The following SMAD3 variants were observed in gnomAD, a reference collection of about 807,000 sequenced individuals.
SMAD3 encodes SMAD family member 3, also known as MAD homolog 3.
SMAD3 carries 12 observed loss-of-function variants against 51.8 expected under a neutral mutation model. The ratio of observed to expected loss-of-function variants is 0.23; its 90% confidence interval spans 0.15 to 0.38. The LOEUF (loss-of-function observed/expected upper bound fraction) is 0.38. SMAD3 is among the 10% of genes least tolerant of loss of function. The pLI, the probability that SMAD3 is intolerant of heterozygous loss-of-function variation, is 1.00. For missense variants in SMAD3, 294 were observed against 565.6 expected (o/e 0.52, Z 4.87); for synonymous variants, 238 against 227.7 (o/e 1.05, Z -0.41).
chr15:67,067,207 T>C (rs946704382), intron 1 of SMAD3, among the ~76,000 whole-genome samples: 1 of 152,140 alleles, frequency 6.6e-6, no homozygotes, highest in African/African-American at 2.4e-5. Context: ...CTCGCATTCC[T>C]GTAGAGCCTT....
intron 1 of SMAD3, among the ~76,000 whole-genome samples, chr15:67,104,504 A>G (rs1960834061): frequency 6.6e-6 from 1 of 152,252 alleles, no homozygotes; most frequent in African/African-American, 2.4e-5. Flanking sequence ...GAGATTGGAA[A>G]GGATTCCAGC....
At chr15:67,143,898 T>G (rs146949820) in intron 1 of SMAD3, among the ~76,000 whole-genome samples, 31 of 151,074 alleles carry the variant, frequency 2.1e-4, no homozygotes, top group Non-Finnish European at 3.7e-4. Flanking sequence ...GCCTCCTGAG[T>G]AGCTGGGAGT....
chr15:67,194,165 A>G lies in SMAD3; in HGVS notation c.*3629A>G, dbSNP rs1263686153. The G allele has an allele frequency of 1.7e-5, 4 of 233,372 alleles. No individual in the cohort carries two copies. The highest frequency in any genetic ancestry group is 3.4e-5 in the Non-Finnish European group (4 of 118,072). The allele number at this position is 233,372 out of a possible 1,614,324, so 14.5% of individuals were successfully genotyped here. A position where few individuals can be genotyped will look rare whatever the true frequency, so the allele number is the denominator to read the frequency against. On this transcript the variant is annotated 3_prime_UTR_variant, in exon 9 of 9. Transcript: ENST00000327367. The stretch of plus-strand genomic sequence containing the variant: ...GTTCCCCCAAAATAAACGTGTCCCC[A>G]TTTTACCAGAACCAAACCTCAACAC...
chr15:67,163,595 A>G (rs187362183), intron 1 of SMAD3, among the ~76,000 whole-genome samples: 141 of 152,230 alleles, frequency 9.3e-4, no homozygotes, highest in African/African-American at 3.3e-3. Flanking sequence ...GGATTTCACA[A>G]AGGGAAAGAT....
rs1401855339 is a variant in SMAD3 at position 67,193,443 on chromosome 15, C to A, written c.*2907C>A. The stretch of plus-strand genomic sequence containing the variant: ...TTCCCTTTCCTCTCTCCCCTCCCCA[C>A]CTCGCTTCTTCCCAATTTAGTAACT... On this transcript the variant is annotated 3_prime_UTR_variant, in exon 9 of 9. Transcript: ENST00000327367. 4.3e-6 allele frequency: 1 copy of A among 233,960 alleles called. No homozygotes were observed. The highest frequency in any genetic ancestry group is 8.5e-6 in the Non-Finnish European group (1 of 118,100). 14.5% of individuals were successfully genotyped at this position (233,960 alleles called of 1,614,324 possible).
At chr15:67,121,065 A>G (rs1318446293) in intron 1 of SMAD3, among the ~76,000 whole-genome samples, 1 of 152,196 alleles carries the variant, frequency 6.6e-6, no homozygotes, top group Middle Eastern at 3.2e-3. Context: ...CAGGCAGGGC[A>G]TGATTGTATC....
At chr15:67,098,135 G>A (rs1301769503) in intron 1 of SMAD3, among the ~76,000 whole-genome samples, 1 of 152,170 alleles carries the variant, frequency 6.6e-6, no homozygotes, top group East Asian at 1.9e-4. Context: ...AAGTACTGGT[G>A]TTAGGAAGAG....
chr15:67,118,057 A>G lies in SMAD3; in HGVS notation c.207-46838A>G, dbSNP rs148337962. ...CAGTGGGCTGAGATCGCACCGTTGCATTCCAGCCTGGGCAACAGAGTGAGA... is the reference window on the plus strand; with the variant it reads ...CAGTGGGCTGAGATCGCACCGTTGCGTTCCAGCCTGGGCAACAGAGTGAGA... On this transcript the variant is annotated intron_variant, in intron 1 of 8. Coordinates refer to ENST00000327367, the MANE Select transcript of SMAD3 (RefSeq NM_005902.4). Among the ~76,000 whole-genome samples, 277 of 152,368 alleles carry G rather than the reference A, an allele frequency of 1.8e-3. 1 individual carries two copies. The highest frequency in any genetic ancestry group is 6.4e-3 in the African/African-American group (268 of 41,590).
At chr15:67,128,242 G>A (rs1171358662) in intron 1 of SMAD3, 1 of 152,214 alleles carries the variant, frequency 6.6e-6, no homozygotes, top group Admixed American at 6.5e-5. Flanking sequence ...TCTAAGATGT[G>A]TAAGATTTAG....
intron 1 of SMAD3, 106 bp downstream of exon 1, chr15:67,066,466 G>GGAGT: frequency 1.1e-5 from 10 of 927,240 alleles, no homozygotes; most frequent in Middle Eastern, 3.1e-4. Flanking sequence ...AGAGAGGGAG[G>GGAGT]GAGTGAGACT....
At chr15:67,183,031 A>ATATATTTT (rs1156620400) in intron 6 of SMAD3, among the ~76,000 whole-genome samples, 2 of 29,702 alleles carry the variant, frequency 6.7e-5, no homozygotes, top group African/African-American at 3.3e-4. Flanking sequence ...ATATATATAT[A>ATATATTTT]TTTTTTTTTT....
intron 1 of SMAD3, among the ~76,000 whole-genome samples, chr15:67,094,994 A>T (rs1960586126): frequency 6.6e-6 from 1 of 152,218 alleles, no homozygotes; most frequent in Admixed American, 6.5e-5. Flanking sequence ...CAGTTTCTCC[A>T]GCAGTAAAAT....
At chr15:67,181,127 T>A (rs1963040815) in intron 5 of SMAD3, 114 bp from the exon 6 acceptor site, 2 of 816,050 alleles carry the variant, frequency 2.5e-6, no homozygotes, top group African/African-American at 1.7e-5. Context: ...GTAGGGAGAT[T>A]ATAATCCCTC....
At chr15:67,169,762 C>T (rs1962695186) in intron 4 of SMAD3, among the ~76,000 whole-genome samples, 1 of 152,102 alleles carries the variant, frequency 6.6e-6, no homozygotes, top group African/African-American at 2.4e-5. Context: ...TGCACCCGGC[C>T]TCCGCAGCCT....
chr15:67,154,789 A>C (rs1298448622), intron 1 of SMAD3, among the ~76,000 whole-genome samples: 2 of 152,248 alleles, frequency 1.3e-5, no homozygotes, highest in Admixed American at 6.5e-5. Context: ...TTTCAACCAG[A>C]GTCAACAACT....
intron 1 of SMAD3, among the ~76,000 whole-genome samples, chr15:67,115,241 G>C (rs138790710): frequency 1.5e-5 from 2 of 132,108 alleles, no homozygotes; most frequent in Non-Finnish European, 3.5e-5. Context: ...ATGATGAGAC[G>C]TAGGAAAGTC....
At chr15:67,180,739 A>C (rs531342472) in intron 5 of SMAD3, among the ~76,000 whole-genome samples, 1 of 151,968 alleles carries the variant, frequency 6.6e-6, no homozygotes, top group African/African-American at 2.4e-5. Flanking sequence ...AAAATCTGAA[A>C]GCCCTTTTAG....
At chr15:67,152,160 C>T (rs10152307) in intron 1 of SMAD3, among the ~76,000 whole-genome samples, 29,719 of 152,076 alleles carry the variant, frequency 0.2, 3,617 homozygotes, top group Non-Finnish European at 0.29. Flanking sequence ...ACTTTTCAGC[C>T]TCTAGTATCT....
chr15:67,099,012 G>C, intron 1 of SMAD3: 1 of 701,638 alleles, frequency 1.4e-6, no homozygotes, highest in Non-Finnish European at 2.6e-6. Flanking sequence ...TGTCCTGAGC[G>C]AGGATCAACT....
Sources: gnomAD v4.1 joint callset for allele counts (sites outside exome capture counted in the v4.1 genomes callset) on GRCh38, gnomAD v4.1.1 for gene constraint, MANE v1.5 for transcripts, NCBI Gene and HGNC (gene_info 2026-07-23, HGNC 2026-07-21) for gene names.